NAV1: variants seen among roughly 807,000 people sequenced by gnomAD.
NAV1 encodes the protein neuron navigator 1.
A neutral mutation model predicts 175.2 loss-of-function variants in NAV1; 18 were observed. That is an observed-to-expected ratio of 0.10 (90% CI 0.07 to 0.15). NAV1 has a LOEUF of 0.15. Among genes scored for constraint, NAV1 ranks in the 10% least tolerant of loss-of-function variants. NAV1 has a pLI of 1.00. For synonymous variants in NAV1, 897 were observed against 978.7 expected (o/e 0.92, Z 1.56); for missense variants, 1,731 against 2,436.6 (o/e 0.71, Z 6.10).
intron 1 of NAV1, among the ~76,000 whole-genome samples, chr1:201,705,386 G>A (rs1671626876): frequency 6.6e-6 from 1 of 152,148 alleles, no homozygotes; most frequent in Admixed American, 6.5e-5. Flanking sequence ...CAACACATTA[G>A]TCCTTTAGTC....
upstream of NAV1, among the ~76,000 whole-genome samples, chr1:201,622,559 G>A (rs920671616): frequency 6.6e-6 from 1 of 152,164 alleles, no homozygotes; most frequent in South Asian, 2.1e-4. Context: ...CAGGAACAGA[G>A]TCAAAGAAAG....
At chr1:201,628,868 A>G (rs1041407545) in intron 1 of NAV1, among the ~76,000 whole-genome samples, 2 of 152,074 alleles carry the variant, frequency 1.3e-5, no homozygotes, top group Non-Finnish European at 2.9e-5. Context: ...CCCGGGAGTC[A>G]CTGTGATTGC....
At chr1:201,809,878 T>C in intron 22 of NAV1, 68 bp from the exon 27 acceptor site, 1 of 1,421,262 alleles carries the variant, frequency 7.0e-7, no homozygotes, top group East Asian at 2.3e-5. Flanking sequence ...CTGATAGACA[T>C]TCTTTGTTGT....
intron 1 of NAV1, among the ~76,000 whole-genome samples, chr1:201,566,737 A>C (rs994650107): frequency 1.7e-4 from 26 of 151,618 alleles, no homozygotes; most frequent in African/African-American, 2.4e-4. Flanking sequence ...AAATAGAAAA[A>C]CTTGAAGTAG....
chr1:201,734,635 A>C (rs1362699499), intron 3 of NAV1, among the ~76,000 whole-genome samples: 1 of 152,080 alleles, frequency 6.6e-6, no homozygotes, highest in African/African-American at 2.4e-5. Flanking sequence ...GTGCAGTGGC[A>C]TGGGTGCTTA....
At chr1:201,681,577 A>G (rs1670463927) in intron 1 of NAV1, among the ~76,000 whole-genome samples, 1 of 152,188 alleles carries the variant, frequency 6.6e-6, no homozygotes, top group African/African-American at 2.4e-5. Context: ...CCCCCGAGTC[A>G]GCCTCATTTT....
exon 1 of NAV1, chr1:201,648,942 A>G: frequency 6.2e-7 from 1 of 1,612,918 alleles, no homozygotes; most frequent in Non-Finnish European, 8.5e-7. Flanking sequence ...GAAGTCACTC[A>G]CCAACCTCTC....
At chr1:201,784,504 T>C (rs1558161793) in intron 7 of NAV1, among the ~76,000 whole-genome samples, 1 of 151,308 alleles carries the variant, frequency 6.6e-6, no homozygotes, top group African/African-American at 2.4e-5. Context: ...TCCCCTCCCT[T>C]CCCCCTATAT....
At chr1:201,599,602 C>T (rs568005313) in intron 2 of NAV1, among the ~76,000 whole-genome samples, 3 of 152,296 alleles carry the variant, frequency 2.0e-5, no homozygotes, top group Non-Finnish European at 2.9e-5. Flanking sequence ...GGGCCCACTT[C>T]GATGCTCAAG....
At chr1:201,561,984 T>A (rs1179359064) in intron 1 of NAV1, among the ~76,000 whole-genome samples, 12 of 152,200 alleles carry the variant, frequency 7.9e-5, no homozygotes, top group African/African-American at 1.7e-4. Flanking sequence ...TGAAGGTATT[T>A]TTTATTTATT....
chr1:201,649,331 G>A, exon 1 of NAV1: 1 of 1,612,108 alleles, frequency 6.2e-7, no homozygotes, highest in Non-Finnish European at 8.5e-7. Flanking sequence ...CCTCTGCCAA[G>A]GGCCAGGAGG....
chr1:201,714,944 G>C (rs961311627), intron 2 of NAV1, among the ~76,000 whole-genome samples: 33 of 152,152 alleles, frequency 2.2e-4, no homozygotes, highest in Admixed American at 1.2e-3. Context: ...GTGGGAAAGG[G>C]GAGGCTTCAA....
intron 1 of NAV1, among the ~76,000 whole-genome samples, chr1:201,558,749 A>G (rs1298115512): frequency 6.6e-6 from 1 of 151,858 alleles, no homozygotes; most frequent in African/African-American, 2.4e-5. Context: ...CGCGCCCGGC[A>G]CAGGTGTGGT....
intron 1 of NAV1, among the ~76,000 whole-genome samples, chr1:201,626,524 C>T (rs929117485): frequency 6.6e-6 from 1 of 152,192 alleles, no homozygotes; most frequent in Non-Finnish European, 1.5e-5. Context: ...CCCTTTGGAC[C>T]CAGAGAAGGT....
chr1:201,572,557 C>T (rs985751307), intron 1 of NAV1, among the ~76,000 whole-genome samples: 8 of 151,514 alleles, frequency 5.3e-5, no homozygotes, highest in Non-Finnish European at 8.8e-5. Flanking sequence ...TTAGGAGAGA[C>T]GGGGGTTTCA....
chr1:201,550,791 G>A (rs543459207), intron 1 of NAV1, among the ~76,000 whole-genome samples: 1 of 152,220 alleles, frequency 6.6e-6, no homozygotes, highest in Admixed American at 6.5e-5. Flanking sequence ...GGGAACATGT[G>A]GGGTGGGTGG....
At position 201,813,672 on chromosome 1, in the gene NAV1, T is replaced by TA. The variant is rs34738806; in HGVS notation, c.5340+425dup. Among the ~76,000 whole-genome samples, 68,479 of 148,302 alleles carry TA rather than the reference T, an allele frequency of 0.46. 16,800 individuals carry two copies. The highest frequency in any genetic ancestry group is 0.56 in the Non-Finnish European group (37,169 of 66,954). Reference sequence around the variant, plus strand: ...TGACCTTTTTAAATACCCTCATATGTAAAAAAAAAAAGGAGACATCACCTT... The same window carrying TA: ...TGACCTTTTTAAATACCCTCATATGTAAAAAAAAAAAAGGAGACATCACCTT... On this transcript the variant is annotated intron_variant, in intron 28 of 29. Transcript: ENST00000367296. The surrounding 1 kb of genome is among the most constrained non-coding windows in gnomAD (Gnocchi z 4.2).
intron 2 of NAV1, among the ~76,000 whole-genome samples, chr1:201,630,712 A>G (rs1668459804): frequency 6.6e-6 from 1 of 152,204 alleles, no homozygotes; most frequent in Non-Finnish European, 1.5e-5. Flanking sequence ...ATAAATATAC[A>G]TGCAAGAGAA....
intron 3 of NAV1, among the ~76,000 whole-genome samples, chr1:201,764,247 T>C (rs1675049825): frequency 1.3e-5 from 2 of 152,230 alleles, no homozygotes; most frequent in African/African-American, 4.8e-5. Flanking sequence ...TGTGGTAGTC[T>C]GCTCAAGCTG....
Sources: allele counts gnomAD v4.1 joint callset (sites outside exome capture counted in the v4.1 genomes callset), GRCh38; gene constraint gnomAD v4.1.1; non-coding constraint Gnocchi (gnomAD v3.1); transcripts MANE v1.5; gene names NCBI Gene and HGNC (gene_info 2026-07-23, HGNC 2026-07-21).